Variants in ALG10B observed in about 807,000 individuals in gnomAD.
The protein encoded by ALG10B is dol-P-Glc:Glc(2)Man(9)GlcNAc(2)-PP-Dol alpha-1,2-glucosyltransferase B.
In ALG10B, 27 loss-of-function variants were observed where a neutral mutation model predicts 38.7. The observed-to-expected ratio is 0.70, with a 90% CI of 0.51 to 0.96. The LOEUF (loss-of-function observed/expected upper bound fraction) is 0.96. Among genes scored for constraint, ALG10B ranks in the 40% least tolerant of loss-of-function variants. The pLI is 0.00. For missense variants in ALG10B, 522 were observed against 542.7 expected (o/e 0.96, Z 0.38); for synonymous variants, 177 against 193.3 (o/e 0.92, Z 0.70).
chr12:38,329,567 ATTCTC>A lies in ALG10B; in HGVS notation c.*8356_*8360del, dbSNP rs1404197512. ...GCTTTTAAGTTATGTATTACATACT[ATTCTC>A]TAAAATAGAAATGTTTATTTGGCTT... is the stretch of plus-strand genomic sequence containing the variant. On this transcript the variant is annotated 3_prime_UTR_variant, in exon 3 of 3. Transcript: ENST00000308742. 4.8e-6 allele frequency: 1 copy of A among 207,934 alleles called. No homozygotes were observed. The highest frequency in any genetic ancestry group is 9.4e-6 in the Non-Finnish European group (1 of 105,822). The allele number at this position is 207,934 out of a possible 1,614,324, so 12.9% of individuals were successfully genotyped here. A position where few individuals can be genotyped will look rare whatever the true frequency, so the allele number is the denominator to read the frequency against.
At position 38,329,127 on chromosome 12, in the gene ALG10B, GTGATT is replaced by G. The variant is rs1192663666; in HGVS notation, c.*7915_*7919del. The G allele has an allele frequency of 1.0e-5, 4 of 398,014 alleles. No homozygotes were observed. The highest frequency in any genetic ancestry group is 2.1e-5 in the African/African-American group (1 of 48,606). The allele number at this position is 398,014 out of a possible 1,614,324, so 24.7% of individuals were successfully genotyped here. ...AGAAGGAAAAATTGTCGCAAGTAATGTGATTATACTTCCTAGTTTTATAGGTCAGA... is the reference window on the plus strand; with the variant it reads ...AGAAGGAAAAATTGTCGCAAGTAATGATACTTCCTAGTTTTATAGGTCAGA... On this transcript the variant is annotated 3_prime_UTR_variant, in exon 3 of 3. Coordinates refer to ENST00000308742, the MANE Select transcript of ALG10B (RefSeq NM_001013620.4).
rs368402159 is a variant in ALG10B, at chr12:38,320,992, A to T, written c.1201A>T (p.Ile401Leu). Residue 401 changes from isoleucine (I) to leucine (L), a missense_variant, in exon 3 of 3, where the codon ATA (isoleucine) becomes TTA (leucine). Coordinates refer to ENST00000308742, the MANE Select transcript of ALG10B (RefSeq NM_001013620.4). ...KPIFWNLMFF[I>L]CLFIVIVPQK... The stretch of plus-strand genomic sequence containing the variant: ...AATTTTTTGGAATTTAATGTTTTTC[A>T]TATGCTTGTTCATTGTTATAGTTCC... The T allele has an allele frequency of 3.8e-5, 62 of 1,613,098 alleles. No individual in the cohort carries two copies. Among genetic ancestry groups the T allele is most frequent in the Non-Finnish European group, 4.5e-5 (53 of 1,179,748 alleles).
chr12:38,317,146 T>G (rs2120479100), intron 1 of ALG10B, 82 bp downstream of exon 1: 3 of 1,592,962 alleles, frequency 1.9e-6, no homozygotes, highest in South Asian at 2.2e-5. Flanking sequence ...TCTTTAGACT[T>G]AACTCGTCCC....
At chr12:38,318,224 A>G in intron 1 of ALG10B, 37 bp from the exon 2 acceptor site, 1 of 1,610,080 alleles carries the variant, frequency 6.2e-7, no homozygotes, top group Non-Finnish European at 8.5e-7. Flanking sequence ...TGTTCGTATT[A>G]CCTCTTGCTT....
rs1411717778 is a variant in ALG10B, at chr12:38,316,867, T to C, written c.-27T>C. 6.2e-7 allele frequency: 1 copy of C among 1,613,962 alleles called. No individual in the cohort carries two copies. The highest frequency in any genetic ancestry group is 1.7e-5 in the Admixed American group (1 of 60,008). On this transcript the variant is annotated 5_prime_UTR_variant, in exon 1 of 3. Transcript: ENST00000308742. ...GGCTCAGAATTTTCCAGGAGTGGGT[T>C]CTTGGGCAGTGGCTGTGGGAGCAGG...
Position 38,323,285 on chromosome 12 carries a change from A to C in ALG10B, c.*2072A>C, listed in dbSNP as rs1945717755. 6.6e-6 allele frequency: 1 copy of C among 152,362 alleles called. No individual in the cohort carries two copies. The highest frequency in any genetic ancestry group is 2.1e-4 in the South Asian group (1 of 4,822). The allele number at this position is 152,362 out of a possible 1,614,324, so 9.4% of individuals were successfully genotyped here. The stretch of plus-strand genomic sequence containing the variant: ...CCATTATCTATTAAAAAAAGTCAGA[A>C]TTGAAAGAAAGTTGAGAAATCCTTT... On this transcript the variant is annotated 3_prime_UTR_variant, in exon 3 of 3. Coordinates refer to ENST00000308742, the MANE Select transcript of ALG10B (RefSeq NM_001013620.4).
chr12:38,318,473 A>T lies in ALG10B; in HGVS notation c.369+15A>T, dbSNP rs1441335907. The T allele has an allele frequency of 1.2e-6, 2 of 1,610,264 alleles. No individual in the cohort carries two copies. The highest frequency in any genetic ancestry group is 4.5e-5 in the East Asian group (2 of 44,858). ...CCAGAAACAAGGTATGTTTCAAAAT[A>T]CTTAATTACAAGTTTATGTGTAGTC... On this transcript the variant is annotated intron_variant, in intron 2 of 2. Coordinates refer to ENST00000308742, the MANE Select transcript of ALG10B (RefSeq NM_001013620.4).
In ALG10B at chr12:38,327,156, C is replaced by T. The variant is rs1443113527; in HGVS notation, c.*5943C>T. 1 of 142,018 alleles carries T rather than the reference C, an allele frequency of 7.0e-6. No homozygotes were observed. The highest frequency in any genetic ancestry group is 1.5e-5 in the Non-Finnish European group (1 of 66,618). 8.8% of individuals were successfully genotyped at this position (142,018 alleles called of 1,614,324 possible). ...TTTTGTAAGAATTGAGACAGGGTGT[C>T]ACTATGTTGTGTGGGCTGGTCTCAA... is the stretch of plus-strand genomic sequence containing the variant. On this transcript the variant is annotated 3_prime_UTR_variant, in exon 3 of 3. Transcript: ENST00000308742.
In ALG10B at chr12:38,328,184, T is replaced by C. The variant is rs891474560; in HGVS notation, c.*6971T>C. 1 of 152,202 alleles carries C rather than the reference T, an allele frequency of 6.6e-6. No homozygotes were observed. The highest frequency in any genetic ancestry group is 1.5e-5 in the Non-Finnish European group (1 of 68,004). The allele number at this position is 152,202 out of a possible 1,614,324, so 9.4% of individuals were successfully genotyped here. ...TGTAATTTTTAAATTCTAAATTTTG[T>C]TACAGCTAATTTTTAAAAATTAATT... On this transcript the variant is annotated 3_prime_UTR_variant, in exon 3 of 3. Transcript: ENST00000308742.
At chr12:38,317,727 G>A (rs2120481781) in intron 1 of ALG10B, 1 of 177,662 alleles carries the variant, frequency 5.6e-6, no homozygotes, top group South Asian at 1.2e-4. Flanking sequence ...CTTAAATCTT[G>A]GTGCTGTGAT....
chr12:38,319,703 T>C (rs191154655), intron 2 of ALG10B, among the ~76,000 whole-genome samples: 181 of 152,276 alleles, frequency 1.2e-3, no homozygotes, highest in Middle Eastern at 3.4e-3. Flanking sequence ...CATATGCATG[T>C]TTACATTCTC....
intron 2 of ALG10B, among the ~76,000 whole-genome samples, chr12:38,319,065 A>T (rs1329246540): frequency 6.6e-6 from 1 of 152,244 alleles, no homozygotes; most frequent in African/African-American, 2.4e-5. Context: ...AGTAAATATT[A>T]ACTCTAATAA....
chr12:38,328,639 T>G lies in ALG10B; in HGVS notation c.*7426T>G, dbSNP rs1201280937. On this transcript the variant is annotated 3_prime_UTR_variant, in exon 3 of 3. Transcript: ENST00000308742. ...ATCATTTATATCTATTTATCTAATG[T>G]TATTCAAATGTTTTCTGCGTTGTAT... 1.3e-5 allele frequency: 2 copies of G among 152,180 alleles called. No homozygotes were observed. Among genetic ancestry groups the G allele is most frequent in the Non-Finnish European group, 2.9e-5 (2 of 68,002 alleles). 9.4% of individuals were successfully genotyped at this position (152,180 alleles called of 1,614,324 possible).
Position 38,320,735 on chromosome 12 carries a change from T to G in ALG10B, c.944T>G (p.Phe315Cys). The G allele has an allele frequency of 1.9e-6, 3 of 1,614,054 alleles. No homozygotes were observed. The highest frequency in any genetic ancestry group is 2.5e-6 in the Non-Finnish European group (3 of 1,179,974). The change falls in exon 3 of 3, where the codon TTT (phenylalanine) becomes TGT (cysteine). Residue 315 changes from phenylalanine to cysteine, a missense_variant. Coordinates refer to ENST00000308742, the MANE Select transcript of ALG10B (RefSeq NM_001013620.4). ...CTGTCTCCTAGCAAAATTAAGACTTTTCTTTCCTTAGTTTGGAAACATGGA... is the reference window on the plus strand; with the variant it reads ...CTGTCTCCTAGCAAAATTAAGACTTGTCTTTCCTTAGTTTGGAAACATGGA... The part of the protein sequence containing the change: ...HLLSPSKIKT[F>C]LSLVWKHGIL...
chr12:38,320,361 C>T lies in ALG10B; in HGVS notation c.570C>T (p.Ile190=). The change falls in exon 3 of 3, where the codon ATC becomes ATT. Residue 190 remains isoleucine (I), a synonymous_variant. Transcript: ENST00000308742. ...FCGFMFRQTN[I]IWAVFCAGNV... ...GCTTCATGTTTCGGCAAACAAATAT[C>T]ATCTGGGCTGTCTTCTGTGCAGGGA... 12 of 1,614,052 alleles carry T rather than the reference C, an allele frequency of 7.4e-6. No homozygotes were observed. Among genetic ancestry groups the T allele is most frequent in the Non-Finnish European group, 1.0e-5 (12 of 1,179,976 alleles).
At position 38,328,381 on chromosome 12, in the gene ALG10B, A is replaced by G. The variant is rs542476321; in HGVS notation, c.*7168A>G. The G allele has an allele frequency of 2.0e-5, 3 of 152,278 alleles. No individual in the cohort carries two copies. The highest frequency in any genetic ancestry group is 4.4e-5 in the Non-Finnish European group (3 of 67,974). The allele number at this position is 152,278 out of a possible 1,614,324, so 9.4% of individuals were successfully genotyped here. A position where few individuals can be genotyped will look rare whatever the true frequency, so the allele number is the denominator to read the frequency against. ...GGTGATGTTTTGGAGCACTGGTAATATAGTGTTTAACTTATTTTCTATTTT... is the reference window on the plus strand; with the variant it reads ...GGTGATGTTTTGGAGCACTGGTAATGTAGTGTTTAACTTATTTTCTATTTT... On this transcript the variant is annotated 3_prime_UTR_variant, in exon 3 of 3. Transcript: ENST00000308742.
At position 38,329,563 on chromosome 12, in the gene ALG10B, T is replaced by C. The variant is rs1321642883; in HGVS notation, c.*8350T>C. The C allele has an allele frequency of 1.4e-5, 3 of 211,328 alleles. No individual in the cohort carries two copies. The highest frequency in any genetic ancestry group is 6.8e-5 in the African/African-American group (3 of 44,144). 13.1% of individuals were successfully genotyped at this position (211,328 alleles called of 1,614,324 possible). On this transcript the variant is annotated 3_prime_UTR_variant, in exon 3 of 3. Coordinates refer to ENST00000308742, the MANE Select transcript of ALG10B (RefSeq NM_001013620.4). ...ATATGCTTTTAAGTTATGTATTACA[T>C]ACTATTCTCTAAAATAGAAATGTTT... is the stretch of plus-strand genomic sequence containing the variant.
In ALG10B at chr12:38,329,138, TC is replaced by T. The variant is rs1255855291; in HGVS notation, c.*7927del. ...TTGTCGCAAGTAATGTGATTATACT[TC>T]CTAGTTTTATAGGTCAGAAAAATGA... is the stretch of plus-strand genomic sequence containing the variant. On this transcript the variant is annotated 3_prime_UTR_variant, in exon 3 of 3. Transcript: ENST00000308742. 3 of 398,178 alleles carry T rather than the reference TC, an allele frequency of 7.5e-6. No individual in the cohort carries two copies. Among genetic ancestry groups the T allele is most frequent in the Non-Finnish European group, 1.3e-5 (3 of 225,864 alleles). 24.7% of individuals were successfully genotyped at this position (398,178 alleles called of 1,614,324 possible). A position where few individuals can be genotyped will look rare whatever the true frequency, so the allele number is the denominator to read the frequency against.
chr12:38,317,166 CA>C (rs1945663417), intron 1 of ALG10B, 102 bp downstream of exon 1: 1 of 1,533,174 alleles, frequency 6.5e-7, no homozygotes, highest in Non-Finnish European at 8.9e-7. Context: ...CTTTCCACCC[CA>C]CCCCAGCCTC....
Sources: gnomAD v4.1 joint callset for allele counts (sites outside exome capture counted in the v4.1 genomes callset) on GRCh38, gnomAD v4.1.1 for gene constraint, MANE v1.5 for transcripts, NCBI Gene and HGNC (gene_info 2026-07-23, HGNC 2026-07-21) for gene names.